The following CNTN5 variants were observed in gnomAD, a reference collection of about 807,000 sequenced individuals.
CNTN5 encodes contactin-5.
In CNTN5, 77 loss-of-function variants were observed where a neutral mutation model predicts 129.1. That is an observed-to-expected ratio of 0.60 (90% CI 0.50 to 0.72). The LOEUF (loss-of-function observed/expected upper bound fraction) is 0.72. Ranked by LOEUF, CNTN5 falls within the 30% of genes least tolerant of loss-of-function variation. CNTN5 has a pLI of 0.00. For missense variants in CNTN5, 1,478 were observed against 1,328.8 expected, an observed-to-expected ratio of 1.11 and a Z score of -1.75; for synonymous variants, 509 against 465.6, an observed-to-expected ratio of 1.09 and a Z score of -1.20.
At chr11:99,340,608 T>G (rs1014691680) in intron 2 of CNTN5, among the ~76,000 whole-genome samples, 2 of 152,168 alleles carry the variant, frequency 1.3e-5, no homozygotes, top group African/African-American at 4.8e-5. Context: ...TACTGTTACT[T>G]GCTAAGAGCT....
chr11:99,602,252 T>C (rs1180899024), intron 3 of CNTN5, among the ~76,000 whole-genome samples: 1 of 152,124 alleles, frequency 6.6e-6, no homozygotes, highest in Non-Finnish European at 1.5e-5. Flanking sequence ...TATTAACTTC[T>C]AGTTTCTATC....
intron 2 of CNTN5, among the ~76,000 whole-genome samples, chr11:99,530,908 T>A (rs868558135): frequency 1.5e-4 from 23 of 152,314 alleles, no homozygotes; most frequent in Middle Eastern, 3.4e-3. Context: ...CTGTTGGGCA[T>A]GTCTTTATCA....
intron 16 of CNTN5, among the ~76,000 whole-genome samples, chr11:100,234,817 A>AG (rs1491129034): frequency 1.6e-4 from 23 of 145,794 alleles, no homozygotes; most frequent in African/African-American, 4.6e-4. Context: ...AAAAAAAAAA[A>AG]GAAGAAGAAG....
At chr11:100,087,680 G>T (rs1162838969) in intron 13 of CNTN5, among the ~76,000 whole-genome samples, 2 of 151,928 alleles carry the variant, frequency 1.3e-5, no homozygotes, top group Non-Finnish European at 2.9e-5. Flanking sequence ...CAACAGTAGT[G>T]GGGGAACTCA....
At chr11:100,063,654 C>T (rs1434526431) in intron 10 of CNTN5, among the ~76,000 whole-genome samples, 6 of 143,538 alleles carry the variant, frequency 4.2e-5, no homozygotes, top group African/African-American at 1.5e-4. Flanking sequence ...TGTAGTGGCT[C>T]AGACCTGAAA....
intron 18 of CNTN5, among the ~76,000 whole-genome samples, chr11:100,290,328 G>A (rs1206120343): frequency 6.6e-6 from 1 of 152,050 alleles, no homozygotes; most frequent in African/African-American, 2.4e-5. Context: ...AACAAAGCTA[G>A]AGGCATCACA....
chr11:99,785,514 C>G (rs1324394038), intron 3 of CNTN5, among the ~76,000 whole-genome samples: 3 of 151,764 alleles, frequency 2.0e-5, no homozygotes, highest in African/African-American at 7.3e-5. Context: ...GGTTTTCATC[C>G]TTATACCAAA....
intron 6 of CNTN5, among the ~76,000 whole-genome samples, chr11:99,908,324 T>C (rs10501930): frequency 0.96 from 146,147 of 152,122 alleles, 70,380 homozygotes; most frequent in Non-Finnish European, 0.99. Flanking sequence ...ATTTAATACA[T>C]CTGCAAGTTA....
At chr11:99,440,502 C>T (rs957223821) in intron 2 of CNTN5, among the ~76,000 whole-genome samples, 7 of 152,118 alleles carry the variant, frequency 4.6e-5, no homozygotes, top group Non-Finnish European at 4.4e-5. Context: ...ATCCACTGTG[C>T]TTTCTGCAAA....
intron 13 of CNTN5, among the ~76,000 whole-genome samples, chr11:100,149,958 T>C (rs1447668168): frequency 6.6e-6 from 1 of 151,862 alleles, no homozygotes; most frequent in Admixed American, 6.6e-5. Context: ...TCTCAAAATT[T>C]ATGTAGTGCA....
At chr11:99,817,980 C>T (rs941664707) in intron 3 of CNTN5, among the ~76,000 whole-genome samples, 5 of 152,078 alleles carry the variant, frequency 3.3e-5, no homozygotes, top group African/African-American at 1.2e-4. Context: ...GTGTGGAAAA[C>T]ATCTAAAAAT....
At chr11:99,789,698 A>G (rs1428858558) in intron 3 of CNTN5, among the ~76,000 whole-genome samples, 3 of 151,968 alleles carry the variant, frequency 2.0e-5, no homozygotes, top group Non-Finnish European at 4.4e-5. Flanking sequence ...TCTCTCTTAA[A>G]TCTTGTCTTC....
chr11:99,276,031 T>C (rs957138025), intron 1 of CNTN5, among the ~76,000 whole-genome samples: 2 of 151,684 alleles, frequency 1.3e-5, no homozygotes, highest in South Asian at 2.1e-4. Context: ...GCCCAACTTA[T>C]AAATTCCAGT....
intron 7 of CNTN5, among the ~76,000 whole-genome samples, chr11:99,950,055 TTTG>T (rs1950636650): frequency 1.3e-5 from 2 of 152,238 alleles, no homozygotes; most frequent in African/African-American, 2.4e-5. Flanking sequence ...AAATTATTAC[TTTG>T]TTTTGTTCAA....
At chr11:100,309,783 G>C (rs1203944937) in intron 21 of CNTN5, 3 of 825,672 alleles carry the variant, frequency 3.6e-6, no homozygotes, top group Non-Finnish European at 4.4e-6. Context: ...CTTCTCTATG[G>C]AGGAGGGACA....
chr11:100,022,753 T>G (rs1403132182), intron 9 of CNTN5, among the ~76,000 whole-genome samples: 1 of 152,190 alleles, frequency 6.6e-6, no homozygotes, highest in African/African-American at 2.4e-5. Context: ...AAGGAATGTC[T>G]TTATTTCACT....
intron 2 of CNTN5, among the ~76,000 whole-genome samples, chr11:99,443,068 AAG>A (rs1446163517): frequency 2.0e-5 from 3 of 152,252 alleles, no homozygotes; most frequent in Non-Finnish European, 4.4e-5. Context: ...TAATTCACAA[AAG>A]AATTAATATT....
intron 1 of CNTN5, among the ~76,000 whole-genome samples, chr11:99,299,763 G>A (rs1433035877): frequency 1.3e-5 from 2 of 152,098 alleles, no homozygotes; most frequent in African/African-American, 4.8e-5. Flanking sequence ...TCCATAGTGT[G>A]CGCATGTGTG....
At position 100,271,080 on chromosome 11, in the gene CNTN5, T is replaced by G. The variant is rs200955833; in HGVS notation, c.2165-12T>G. The G allele has an allele frequency of 2.5e-6, 4 of 1,583,904 alleles. No individual in the cohort carries two copies. Among genetic ancestry groups the G allele is most frequent in the Non-Finnish European group, 3.4e-6 (4 of 1,168,530 alleles). ...TCCTCATAATGACATGAAATTTCCTTCCTTTCTATAGTCCCAGAAATCATA... is the reference window on the plus strand; with the variant it reads ...TCCTCATAATGACATGAAATTTCCTGCCTTTCTATAGTCCCAGAAATCATA... On this transcript the variant is annotated splice_polypyrimidine_tract_variant and intron_variant, in intron 17 of 24. Transcript: ENST00000524871.
Sources: gnomAD v4.1 joint callset for allele counts (sites outside exome capture counted in the v4.1 genomes callset) on GRCh38, gnomAD v4.1.1 for gene constraint, MANE v1.5 for transcripts, NCBI Gene and HGNC (gene_info 2026-07-23, HGNC 2026-07-21) for gene names.